Variants in LIPK observed in about 807,000 individuals in gnomAD.
The protein encoded by LIPK is lipase member K.
A neutral mutation model predicts 48.6 loss-of-function variants in LIPK; 32 were observed. The ratio of observed to expected loss-of-function variants is 0.66; its 90% confidence interval spans 0.50 to 0.88. The LOEUF is 0.88. LIPK is among the 40% of genes least tolerant of loss of function. The pLI, the probability that LIPK is intolerant of heterozygous loss-of-function variation, is 0.00. For synonymous variants in LIPK, 164 were observed against 157.4 expected, an observed-to-expected ratio of 1.04 and a Z score of -0.32; for missense variants, 507 against 478.5, an observed-to-expected ratio of 1.06 and a Z score of -0.56.
chr10:88,730,137 C>A (rs1257558928), intron 3 of LIPK, among the ~76,000 whole-genome samples: 3 of 152,066 alleles, frequency 2.0e-5, no homozygotes. Flanking sequence ...ATTCAATGAG[C>A]ATTCAACAAA....
chr10:88,714,953 T>A (rs1353184132), intron 1 of LIPK, among the ~76,000 whole-genome samples: 1 of 152,112 alleles, frequency 6.6e-6, no homozygotes, highest in Non-Finnish European at 1.5e-5. Flanking sequence ...GAAACTCAGA[T>A]AATTGATTAT....
intron 1 of LIPK, among the ~76,000 whole-genome samples, chr10:88,707,647 C>A (rs547115711): frequency 3.4e-4 from 51 of 152,234 alleles, no homozygotes; most frequent in African/African-American, 1.2e-3. Context: ...GCCTCTTAAC[C>A]TATTTGAAAA....
At chr10:88,747,289 C>T (rs1457939422) in intron 9 of LIPK, among the ~76,000 whole-genome samples, 1 of 152,072 alleles carries the variant, frequency 6.6e-6, no homozygotes, top group African/African-American at 2.4e-5. Flanking sequence ...CATTCTGATG[C>T]CAAAATCTGG....
chr10:88,743,224 A>G (rs1842710563), intron 8 of LIPK, 26 bp from the exon 9 acceptor site: 2 of 1,508,842 alleles, frequency 1.3e-6, no homozygotes, highest in Admixed American at 3.8e-5. Context: ...TTCTTATATT[A>G]TTTTAACGTG....
intron 9 of LIPK, among the ~76,000 whole-genome samples, chr10:88,747,431 G>C (rs1378578122): frequency 6.6e-6 from 1 of 152,116 alleles, no homozygotes; most frequent in Admixed American, 6.5e-5. Context: ...AATCAAGTAG[G>C]CTTTATTCCT....
At chr10:88,749,867 C>T (rs927856441) in intron 9 of LIPK, among the ~76,000 whole-genome samples, 79 of 141,348 alleles carry the variant, frequency 5.6e-4, no homozygotes, top group African/African-American at 1.7e-3. Flanking sequence ...AGGAAGCAGA[C>T]AACCTAAGAA....
chr10:88,718,900 T>C (rs1842169129), intron 1 of LIPK, among the ~76,000 whole-genome samples: 1 of 152,174 alleles, frequency 6.6e-6, no homozygotes, highest in Admixed American at 6.5e-5. Context: ...CTGCTCTTAT[T>C]CTATTTGAGA....
Position 88,724,397 on chromosome 10 carries a change from A to C in LIPK, c.-11-136A>C, listed in dbSNP as rs529297231. The C allele has an allele frequency of 1.0e-5, 6 of 587,894 alleles. No individual in the cohort carries two copies. In the Admixed American group the frequency reaches 1.9e-4, roughly 19 times the overall value. The allele number at this position is 587,894 out of a possible 1,614,324, so 36.4% of individuals were successfully genotyped here. On this transcript the variant is annotated intron_variant, in intron 1 of 9. Coordinates refer to ENST00000404190, the MANE Select transcript of LIPK (RefSeq NM_001080518.2). Reference sequence around the variant, plus strand: ...TCATGGAATGAATGTTGTATAATTCAGTATTCTACTGGTTAAAGCACAGCC... The same window carrying C: ...TCATGGAATGAATGTTGTATAATTCCGTATTCTACTGGTTAAAGCACAGCC...
At chr10:88,750,606 A>G (rs1175970283) in intron 9 of LIPK, among the ~76,000 whole-genome samples, 4 of 152,194 alleles carry the variant, frequency 2.6e-5, no homozygotes, top group Non-Finnish European at 1.5e-5. Flanking sequence ...CATTGAGTTT[A>G]CATGGACACA....
At chr10:88,724,669 A>T in intron 2 of LIPK, 21 bp downstream of exon 2, 1 of 1,490,910 alleles carries the variant, frequency 6.7e-7, no homozygotes, top group South Asian at 1.3e-5. Flanking sequence ...TATTCAGAAA[A>T]AAATGCTAAA....
At chr10:88,749,573 A>G (rs1842828504) in intron 9 of LIPK, among the ~76,000 whole-genome samples, 1 of 152,218 alleles carries the variant, frequency 6.6e-6, no homozygotes, top group Non-Finnish European at 1.5e-5. Flanking sequence ...CAGAAGATTG[A>G]AACTGGACCC....
At chr10:88,751,732 A>G (rs1842866643) in intron 9 of LIPK, among the ~76,000 whole-genome samples, 1 of 152,190 alleles carries the variant, frequency 6.6e-6, no homozygotes, top group Non-Finnish European at 1.5e-5. Context: ...TTGTGAGGAA[A>G]CAGTGGTGAC....
chr10:88,725,741 C>T (rs955566672), intron 2 of LIPK, among the ~76,000 whole-genome samples: 5 of 152,184 alleles, frequency 3.3e-5, no homozygotes, highest in Non-Finnish European at 7.3e-5. Context: ...TAAACCTCTA[C>T]GCAGAAGATA....
At chr10:88,748,947 T>C (rs1842818052) in intron 9 of LIPK, among the ~76,000 whole-genome samples, 2 of 152,164 alleles carry the variant, frequency 1.3e-5, no homozygotes, top group African/African-American at 4.8e-5. Flanking sequence ...AGTAATGTTT[T>C]AGGATACAAA....
intron 1 of LIPK, among the ~76,000 whole-genome samples, chr10:88,708,789 T>C (rs550911472): frequency 6.6e-4 from 101 of 152,240 alleles, no homozygotes; most frequent in Non-Finnish European, 1.2e-3. Flanking sequence ...TTTCTACAGA[T>C]GTTTTACATA....
At chr10:88,748,186 T>C (rs1351107809) in intron 9 of LIPK, among the ~76,000 whole-genome samples, 1 of 152,142 alleles carries the variant, frequency 6.6e-6, no homozygotes, top group African/African-American at 2.4e-5. Flanking sequence ...ATACCACATG[T>C]TCTTACTCAT....
In LIPK at chr10:88,737,632, T is replaced by C; in HGVS notation, c.670-3T>C. The C allele has an allele frequency of 1.9e-6, 3 of 1,613,228 alleles. No individual in the cohort carries two copies. Among genetic ancestry groups the C allele is most frequent in the Middle Eastern group, 1.7e-4 (1 of 6,058 alleles). On this transcript the variant is annotated splice_polypyrimidine_tract_variant and splice_region_variant and intron_variant, in intron 6 of 9. Coordinates refer to ENST00000404190, the MANE Select transcript of LIPK (RefSeq NM_001080518.2). ...TTTGATGGTGTTTTAAATTATCTTG[T>C]AGGTGTTGTTTGGTGACAAAATGTT...
chr10:88,735,206 G>A (rs568169492), intron 6 of LIPK, among the ~76,000 whole-genome samples: 14 of 152,266 alleles, frequency 9.2e-5, no homozygotes, highest in South Asian at 2.1e-4. Context: ...AGTAGAGTTC[G>A]TCAAGTTGAG....
intron 7 of LIPK, among the ~76,000 whole-genome samples, chr10:88,739,595 C>T (rs2134766031): frequency 6.6e-6 from 1 of 152,184 alleles, no homozygotes; most frequent in South Asian, 2.1e-4. Flanking sequence ...GTGGCTCACA[C>T]CTGTAATCCC....
Sources: gnomAD v4.1 joint callset for allele counts (sites outside exome capture counted in the v4.1 genomes callset) on GRCh38, gnomAD v4.1.1 for gene constraint, MANE v1.5 for transcripts, NCBI Gene and HGNC (gene_info 2026-07-23, HGNC 2026-07-21) for gene names.